BRINP3: variants seen among roughly 807,000 people sequenced by gnomAD.
BRINP3 encodes BMP/retinoic acid inducible neural specific 3.
In BRINP3, 19 loss-of-function variants were observed where a neutral mutation model predicts 71.0. That is an observed-to-expected ratio of 0.27 (90% CI 0.19 to 0.39). The LOEUF is 0.39. BRINP3 is among the 10% of genes least tolerant of loss of function. The pLI, the probability that BRINP3 is intolerant of heterozygous loss-of-function variation, is 1.00. For missense variants in BRINP3, 959 were observed against 940.8 expected (o/e 1.02, Z -0.25); for synonymous variants, 380 against 337.7 (o/e 1.13, Z -1.37).
Position 190,274,945 on chromosome 1 carries a change from A to T in BRINP3, c.427+6615T>A, listed in dbSNP as rs118102051. ...CTTAACACCAATTGGCATCTGCAAG[A>T]TATTATGGGGAGGAAAGAGCTAACC... On this transcript the variant is annotated intron_variant, in intron 3 of 7. Coordinates refer to ENST00000367462, the MANE Select transcript of BRINP3 (RefSeq NM_199051.3). Among the ~76,000 whole-genome samples the T allele has an allele frequency of 3.1e-4, 47 of 151,830 alleles. No homozygotes were observed. In the East Asian group the frequency reaches 8.1e-3, roughly 26 times the overall value.
At chr1:190,338,248 G>A (rs528914057) in intron 2 of BRINP3, among the ~76,000 whole-genome samples, 27 of 152,148 alleles carry the variant, frequency 1.8e-4, no homozygotes, top group African/African-American at 6.5e-4. Context: ...ACTAAATAGA[G>A]CAGACTATCT....
chr1:190,131,977 A>T (rs1654581851), intron 7 of BRINP3, among the ~76,000 whole-genome samples: 1 of 152,070 alleles, frequency 6.6e-6, no homozygotes, highest in African/African-American at 2.4e-5. Context: ...CGAAGTTTTA[A>T]ACTGTCTATC....
intron 3 of BRINP3, 66 bp from the exon 4 acceptor site, chr1:190,265,121 A>G: frequency 2.2e-6 from 3 of 1,372,320 alleles, no homozygotes; most frequent in Non-Finnish European, 3.0e-6. Context: ...ACTTATCTGC[A>G]GGTGGAAAGG....
At chr1:190,466,322 G>T (rs886101095) in intron 1 of BRINP3, among the ~76,000 whole-genome samples, 2 of 151,668 alleles carry the variant, frequency 1.3e-5, no homozygotes, top group Non-Finnish European at 3.0e-5. Context: ...ATCTGTAATT[G>T]CTCCCAGGCT....
chr1:190,225,467 C>T (rs1394791876), intron 6 of BRINP3, among the ~76,000 whole-genome samples: 1 of 151,594 alleles, frequency 6.6e-6, no homozygotes, highest in East Asian at 1.9e-4. Context: ...ACGGTGGTTT[C>T]CAGAGGCCAG....
At chr1:190,386,734 T>C (rs2102282274) in intron 2 of BRINP3, among the ~76,000 whole-genome samples, 1 of 152,074 alleles carries the variant, frequency 6.6e-6, no homozygotes, top group Non-Finnish European at 1.5e-5. Context: ...GCACTTACTC[T>C]TCTGTAAAAT....
Position 190,127,436 on chromosome 1 carries a change from T to C in BRINP3, c.1185-28302A>G, listed in dbSNP as rs541804263. Among the ~76,000 whole-genome samples, 3 of 152,044 alleles carry C rather than the reference T, an allele frequency of 2.0e-5. No homozygotes were observed. In the East Asian group the frequency reaches 5.8e-4, roughly 29 times the overall value. On this transcript the variant is annotated intron_variant, in intron 7 of 7. Coordinates refer to ENST00000367462, the MANE Select transcript of BRINP3 (RefSeq NM_199051.3). ...AAAAGATCAGTTGTTTTTCAAGGTA[T>C]TTAATCAAATGTCAGTTCTACCAAC...
chr1:190,415,611 A>T (rs1672960005), intron 2 of BRINP3, among the ~76,000 whole-genome samples: 1 of 152,218 alleles, frequency 6.6e-6, no homozygotes, highest in African/African-American at 2.4e-5. Context: ...TTCAGATTTT[A>T]AAAAATCTTC....
chr1:190,328,579 C>A (rs1666759158), intron 2 of BRINP3, among the ~76,000 whole-genome samples: 1 of 151,904 alleles, frequency 6.6e-6, no homozygotes, highest in African/African-American at 2.4e-5. Context: ...AGAGTCACAG[C>A]TGAATCATAC....
chr1:190,176,681 T>C (rs940188484), intron 6 of BRINP3, among the ~76,000 whole-genome samples: 1 of 152,184 alleles, frequency 6.6e-6, no homozygotes, highest in South Asian at 2.1e-4. Context: ...TTACCTTTTT[T>C]TCATCTCTGC....
chr1:190,400,421 A>C (rs894792052), intron 2 of BRINP3, among the ~76,000 whole-genome samples: 1 of 152,318 alleles, frequency 6.6e-6, no homozygotes, highest in Non-Finnish European at 1.5e-5. Flanking sequence ...AGTAAAGAAA[A>C]AAAGTTACTG....
intron 2 of BRINP3, among the ~76,000 whole-genome samples, chr1:190,341,017 TTCA>T (rs200968735): frequency 0.01 from 1,554 of 151,976 alleles, 11 homozygotes; most frequent in Middle Eastern, 0.017. Context: ...AGAACTTATA[TTCA>T]TCATGTTAGG....
intron 2 of BRINP3, among the ~76,000 whole-genome samples, chr1:190,286,790 C>T (rs530401439): frequency 1.3e-5 from 2 of 152,186 alleles, no homozygotes; most frequent in East Asian, 3.9e-4. Context: ...CACAAATTAA[C>T]TTGCCAAACT....
At chr1:190,347,135 T>C (rs146452211) in intron 2 of BRINP3, among the ~76,000 whole-genome samples, 7 of 152,182 alleles carry the variant, frequency 4.6e-5, no homozygotes, top group Non-Finnish European at 1.0e-4. Flanking sequence ...ATAGACACTA[T>C]AATTATTATT....
At chr1:190,361,308 CA>C (rs1669130383) in intron 2 of BRINP3, among the ~76,000 whole-genome samples, 1 of 151,954 alleles carries the variant, frequency 6.6e-6, no homozygotes, top group African/African-American at 2.4e-5. Context: ...TTAGAGATAT[CA>C]GGAGCCAGGA....
chr1:190,415,120 A>C (rs1672930035), intron 2 of BRINP3, among the ~76,000 whole-genome samples: 1 of 152,226 alleles, frequency 6.6e-6, no homozygotes. Flanking sequence ...TGATAAAGAG[A>C]ACCCTGCCTC....
intron 2 of BRINP3, among the ~76,000 whole-genome samples, chr1:190,445,951 T>C (rs567490411): frequency 2.0e-5 from 3 of 152,292 alleles, no homozygotes; most frequent in African/African-American, 7.2e-5. Flanking sequence ...GTCATTATAA[T>C]AGTAACAAAC....
intron 2 of BRINP3, among the ~76,000 whole-genome samples, chr1:190,332,404 T>G (rs1667025232): frequency 6.6e-6 from 1 of 152,030 alleles, no homozygotes; most frequent in African/African-American, 2.4e-5. Flanking sequence ...TAACTATTCT[T>G]TTCTCATATT....
At chr1:190,465,817 C>T (rs1466509559) in intron 1 of BRINP3, among the ~76,000 whole-genome samples, 1 of 151,620 alleles carries the variant, frequency 6.6e-6, no homozygotes, top group Admixed American at 6.6e-5. Flanking sequence ...TTATTAACAG[C>T]TTCAGAAAAT....
Sources: allele counts gnomAD v4.1 joint callset (sites outside exome capture counted in the v4.1 genomes callset), GRCh38; gene constraint gnomAD v4.1.1; transcripts MANE v1.5; gene names NCBI Gene and HGNC (gene_info 2026-07-23, HGNC 2026-07-21).